ZC3H13: variants seen among roughly 807,000 people sequenced by gnomAD.
ZC3H13 encodes the protein zinc finger CCCH domain-containing protein 13.
ZC3H13 carries 64 observed loss-of-function variants against 204.1 expected under a neutral mutation model. The observed-to-expected ratio is 0.31, with a 90% CI of 0.26 to 0.39. The LOEUF is 0.39. Among genes scored for constraint, ZC3H13 ranks in the 10% least tolerant of loss-of-function variants. The probability of loss-of-function intolerance (pLI) is 1.00; values close to 1 mark genes in which losing one functional copy is unlikely to be tolerated. For synonymous variants in ZC3H13, 667 were observed against 693.7 expected (o/e 0.96, Z 0.60); for missense variants, 1,833 against 2,082.7 (o/e 0.88, Z 2.33).
At chr13:45,964,973 C>T (rs1593453739) in intron 16 of ZC3H13, among the ~76,000 whole-genome samples, 1 of 152,134 alleles carries the variant, frequency 6.6e-6, no homozygotes, top group Non-Finnish European at 1.5e-5. Flanking sequence ...GTAGAAAGAA[C>T]ATTGCTAGAC....
chr13:45,980,086 A>C, intron 10 of ZC3H13, 82 bp from the exon 11 acceptor site: 1 of 1,160,394 alleles, frequency 8.6e-7, no homozygotes, highest in Non-Finnish European at 1.2e-6. Context: ...TTCCTCCTAA[A>C]CATCACTAAT....
intron 3 of ZC3H13, among the ~76,000 whole-genome samples, chr13:46,044,357 T>C (rs2043798877): frequency 6.6e-6 from 1 of 151,886 alleles, no homozygotes; most frequent in Non-Finnish European, 1.5e-5. Flanking sequence ...AAAATAATCA[T>C]CATGAGGGAA....
At chr13:46,025,894 A>T (rs1372928899) in intron 4 of ZC3H13, among the ~76,000 whole-genome samples, 3 of 548 alleles carry the variant, frequency 5.5e-3, no homozygotes, top group Admixed American at 0.038. Flanking sequence ...ATTAAAGCTA[A>T]AAAAAAAAAA....
At chr13:46,011,335 T>C in intron 6 of ZC3H13, 80 bp downstream of exon 6, 1 of 1,307,980 alleles carries the variant, frequency 7.6e-7, no homozygotes, top group Non-Finnish European at 1.0e-6. Context: ...TAATTTAAGA[T>C]GTAGCAAGAA....
At chr13:45,966,911 T>C (rs1299165892) in intron 15 of ZC3H13, among the ~76,000 whole-genome samples, 4 of 152,112 alleles carry the variant, frequency 2.6e-5, no homozygotes, top group African/African-American at 9.7e-5. Context: ...AGTCAGCTTG[T>C]CTAGTAAATG....
chr13:45,988,113 C>A (rs951654054), intron 9 of ZC3H13, among the ~76,000 whole-genome samples: 12 of 152,120 alleles, frequency 7.9e-5, no homozygotes, highest in African/African-American at 2.9e-4. Context: ...ACTACGCTCT[C>A]TGATTTGTTG....
rs1952442619 is a variant in ZC3H13, at chr13:45,969,903, G to A, written c.2641C>T (p.Leu881Phe). The change falls in exon 14 of 19, where the codon CTC (leucine) becomes TTC (phenylalanine). Residue 881 changes from leucine (L) to phenylalanine (F), a missense_variant. Physicochemically the swap from Leu to Phe is conservative, Grantham distance 22. Coordinates refer to ENST00000679008, the MANE Select transcript of ZC3H13 (RefSeq NM_001330564.2). ...CATCTACCCTGTCTGTCTTCTGTGA[G>A]GTGCGAGGGACTAAGAGAACGAGAT... ...QESRSLSPSHLTEDRQGRWKE... is the reference protein window; with the variant it reads ...QESRSLSPSHFTEDRQGRWKE... 3.7e-6 allele frequency: 6 copies of A among 1,613,598 alleles called. No individual in the cohort carries two copies. The East Asian group carries it at 8.9e-5, about 24-fold the overall frequency.
chr13:45,963,771 A>T (rs374338975), intron 17 of ZC3H13, 71 bp downstream of exon 17: 15 of 1,600,600 alleles, frequency 9.4e-6, no homozygotes, highest in African/African-American at 1.3e-5. Context: ...ATAAGAACAG[A>T]TCAGAATCCC....
chr13:45,973,658 TG>T (rs1952774237), intron 12 of ZC3H13, among the ~76,000 whole-genome samples: 1 of 152,166 alleles, frequency 6.6e-6, no homozygotes, highest in Admixed American at 6.5e-5. Context: ...TTTCAAATTC[TG>T]AATTTTTGGA....
At chr13:45,966,895 G>A (rs919849833) in intron 15 of ZC3H13, among the ~76,000 whole-genome samples, 1 of 152,186 alleles carries the variant, frequency 6.6e-6, no homozygotes, top group Admixed American at 6.5e-5. Flanking sequence ...AGAATGGAAA[G>A]GCATGAGTCA....
chr13:46,022,175 T>C (rs1029397385), intron 4 of ZC3H13, among the ~76,000 whole-genome samples: 1 of 151,824 alleles, frequency 6.6e-6, no homozygotes, highest in Non-Finnish European at 1.5e-5. Flanking sequence ...AAAATTATAA[T>C]TTTTGAATTG....
intron 4 of ZC3H13, among the ~76,000 whole-genome samples, chr13:46,029,941 G>T (rs1203559559): frequency 6.6e-6 from 1 of 152,102 alleles, no homozygotes; most frequent in Non-Finnish European, 1.5e-5. Flanking sequence ...ATATATATTT[G>T]TATCATAACA....
intron 4 of ZC3H13, among the ~76,000 whole-genome samples, chr13:46,039,256 T>G (rs556160955): frequency 1.3e-5 from 2 of 152,298 alleles, no homozygotes; most frequent in East Asian, 1.9e-4. Flanking sequence ...CTTTATTTGA[T>G]GAACATAAAA....
chr13:46,042,513 G>T (rs990662462), intron 3 of ZC3H13, among the ~76,000 whole-genome samples: 3 of 152,018 alleles, frequency 2.0e-5, no homozygotes, highest in Non-Finnish European at 4.4e-5. Context: ...AAATGTATAT[G>T]TTAAATTCCA....
chr13:45,967,682 A>G lies in ZC3H13; in HGVS notation c.4143T>C (p.Ser1381=). ...RDRDRDRTFE[S]SQIESVKRCE... ...AGCGTTTCACAGACTCTATTTGAGA[A>G]CTCTCAAAAGTTCTGTCTCTGTCTC... The change falls in exon 15 of 19, where the codon AGT becomes AGC. Residue 1381 remains serine, a synonymous_variant. Transcript: ENST00000679008. The G allele has an allele frequency of 1.2e-6, 2 of 1,614,016 alleles. No individual in the cohort carries two copies. Among genetic ancestry groups the G allele is most frequent in the Non-Finnish European group, 1.7e-6 (2 of 1,179,982 alleles).
In ZC3H13 at chr13:45,975,548, G is replaced by C. The variant is rs1952961497; in HGVS notation, c.2203C>G (p.Arg735Gly). The C allele has an allele frequency of 6.3e-7, 1 of 1,587,512 alleles. No individual in the cohort carries two copies. Among genetic ancestry groups the C allele is most frequent in the Non-Finnish European group, 8.6e-7 (1 of 1,168,300 alleles). Reference sequence around the variant, plus strand: ...CGTTCCCTCTCTCTTTCCCGCTCTCGATCGTGGTCTCGGTCTCTATCCCTT... The same window carrying C: ...CGTTCCCTCTCTCTTTCCCGCTCTCCATCGTGGTCTCGGTCTCTATCCCTT... ...RERDRDRDHDRERERERERDR... is the reference protein window; with the variant it reads ...RERDRDRDHDGERERERERDR... Residue 735 changes from arginine (R) to glycine (G), a missense_variant, in exon 12 of 19, where the codon CGA (arginine) becomes GGA (glycine). This residue lies in a region of ZC3H13 where 1,574 missense variants were observed against 1,757.2 expected (regional missense o/e 0.90). Coordinates refer to ENST00000679008, the MANE Select transcript of ZC3H13 (RefSeq NM_001330564.2).
At position 45,969,006 on chromosome 13, in the gene ZC3H13, G is replaced by A. The variant is rs753942841; in HGVS notation, c.3538C>T (p.His1180Tyr). 5 of 1,614,094 alleles carry A rather than the reference G, an allele frequency of 3.1e-6. No individual in the cohort carries two copies. Among genetic ancestry groups the A allele is most frequent in the East Asian group, 4.5e-5 (2 of 44,906 alleles). ...TPHVTIEDAQ[H>Y]RKPMDQKRSS... ...CTCTTTTGATCCATAGGCTTGCGAT[G>A]CTGTGCATCTTCTATAGTCACGTGA... Residue 1180 changes from histidine (H) to tyrosine (Y), a missense_variant, in exon 14 of 19, where the codon CAT becomes TAT. Transcript: ENST00000679008.
At chr13:46,004,432 C>A (rs1265656276) in intron 7 of ZC3H13, among the ~76,000 whole-genome samples, 1 of 151,978 alleles carries the variant, frequency 6.6e-6, no homozygotes, top group Non-Finnish European at 1.5e-5. Flanking sequence ...CCCAGCTACT[C>A]CAGAGGCTGA....
rs1386936473 is a variant in ZC3H13, at chr13:45,957,291, T to C, written c.4846A>G (p.Ile1616Val). 5.3e-6 allele frequency: 8 copies of C among 1,513,294 alleles called. No homozygotes were observed. The highest frequency in any genetic ancestry group is 4.3e-5 in the Admixed American group (2 of 46,984). The allele number at this position is 1,513,294 out of a possible 1,614,324, so 93.7% of individuals were successfully genotyped here. ...GGAGCACTCGTGTAAGCTTGTTTTA[T>C]GGTGCCCTATTTGAAGAAAACAAAA... ...KQLVKNEKGT[I>V]KQAYTSAPMV... The change falls in exon 19 of 19, where the codon ATA (isoleucine) becomes GTA (valine). Residue 1616 changes from isoleucine to valine, a missense_variant. By Grantham distance (29) the Ile-to-Val change is conservative. This residue lies in a region of ZC3H13 where 211 missense variants were observed against 228.4 expected (regional missense o/e 0.92). Coordinates refer to ENST00000679008, the MANE Select transcript of ZC3H13 (RefSeq NM_001330564.2).
Sources: gnomAD v4.1 joint callset for allele counts (sites outside exome capture counted in the v4.1 genomes callset) on GRCh38, gnomAD v4.1.1 for gene constraint, gnomAD v4.1.1 regional missense constraint, MANE v1.5 for transcripts, NCBI Gene and HGNC (gene_info 2026-07-23, HGNC 2026-07-21) for gene names.